SARDH: variants seen among roughly 807,000 people sequenced by gnomAD.
The protein encoded by SARDH is sarcosine dehydrogenase.
A neutral mutation model predicts 109.1 loss-of-function variants in SARDH; 95 were observed. The observed-to-expected ratio is 0.87, with a 90% CI of 0.74 to 1.03. The LOEUF (loss-of-function observed/expected upper bound fraction) is 1.03, where lower values mean the gene tolerates loss of function less well. Ranked by LOEUF, SARDH falls within the 50% of genes least tolerant of loss-of-function variation. SARDH has a pLI of 0.00. For synonymous variants in SARDH, 572 were observed against 534.8 expected (o/e 1.07, Z -0.96); for missense variants, 1,267 against 1,287.8 (o/e 0.98, Z 0.25).
intron 1 of SARDH, among the ~76,000 whole-genome samples, chr9:133,734,416 T>TTCAC (rs1205993616): frequency 6.3e-4 from 32 of 51,024 alleles, no homozygotes; most frequent in South Asian, 2.7e-3. Context: ...CACTCATTCA[T>TTCAC]TCATTCATTC....
Position 133,710,417 on chromosome 9 carries a change from G to A in SARDH, c.1329-1989C>T, listed in dbSNP as rs748177228. ...GCCCGGTCAGCCCTGGGACCCTCACGCGCAGCCCGGAGCCCAGACAGGCCC... is the reference window on the plus strand; with the variant it reads ...GCCCGGTCAGCCCTGGGACCCTCACACGCAGCCCGGAGCCCAGACAGGCCC... On this transcript the variant is annotated intron_variant, in intron 10 of 20. Transcript: ENST00000439388. 2.4e-4 allele frequency among the ~76,000 whole-genome samples: 37 copies of A among 152,228 alleles called. 1 individual carries two copies. Among genetic ancestry groups the A allele is most frequent in the Non-Finnish European group, 4.3e-4 (29 of 68,052 alleles).
Position 133,666,669 on chromosome 9 carries a change from GGGAGCTGGTTT to G in SARDH, c.2631+55_2631+65del, listed in dbSNP as rs1207871916. Reference sequence around the variant, plus strand: ...CCCGGCACACTCAGGGTGCAGTGCAGGGAGCTGGTTTGGAGCTGGTGAGGGATCGGCATCTG... The same window carrying G: ...CCCGGCACACTCAGGGTGCAGTGCAGGGAGCTGGTGAGGGATCGGCATCTG... On this transcript the variant is annotated intron_variant, in intron 20 of 20. Coordinates refer to ENST00000439388, the MANE Select transcript of SARDH (RefSeq NM_001134707.2). This position sits in a 1 kb window ranked among gnomAD's most constrained non-coding sequence, Gnocchi z 5.2. 6.5e-6 allele frequency: 10 copies of G among 1,548,844 alleles called. No homozygotes were observed. Among genetic ancestry groups the G allele is most frequent in the African/African-American group, 1.4e-5 (1 of 73,142 alleles).
intron 10 of SARDH, among the ~76,000 whole-genome samples, chr9:133,710,356 C>G (rs550723196): frequency 9.1e-4 from 139 of 152,338 alleles, no homozygotes; most frequent in Non-Finnish European, 1.6e-3. Flanking sequence ...GGAACTCACG[C>G]GCAGGGCGGC....
intron 2 of SARDH, among the ~76,000 whole-genome samples, chr9:133,733,178 C>T (rs1001832221): frequency 3.3e-5 from 5 of 152,140 alleles, no homozygotes; most frequent in African/African-American, 7.2e-5. Flanking sequence ...TTGTGGGAGC[C>T]GGCTCGCATC....
At position 133,727,781 on chromosome 9, in the gene SARDH, G is replaced by A. The variant is rs141312690; in HGVS notation, c.915+1984C>T. ...TTTGTAAGTAACACCCCCTAGCTTC[G>A]CTTGAATCTTGACATACACAGGAGG... On this transcript the variant is annotated intron_variant, in intron 6 of 20. Coordinates refer to ENST00000439388, the MANE Select transcript of SARDH (RefSeq NM_001134707.2). Among the ~76,000 whole-genome samples the A allele has an allele frequency of 2.6e-3, 389 of 152,282 alleles. 1 individual carries two copies. The highest frequency in any genetic ancestry group is 6.8e-3 in the Middle Eastern group (2 of 294).
intron 1 of SARDH, among the ~76,000 whole-genome samples, chr9:133,735,010 G>C (rs1231157664): frequency 6.6e-6 from 1 of 152,154 alleles, no homozygotes; most frequent in Non-Finnish European, 1.5e-5. Context: ...GGAGGGGGTT[G>C]TGTTGAGTGA....
intron 1 of SARDH, among the ~76,000 whole-genome samples, chr9:133,735,701 C>G (rs879442593): frequency 2.0e-5 from 3 of 152,192 alleles, no homozygotes; most frequent in Admixed American, 6.5e-5. Flanking sequence ...CAAACTGACC[C>G]TTTGCTCATT....
chr9:133,685,168 G>A, intron 17 of SARDH, 25 bp downstream of exon 17: 3 of 1,600,972 alleles, frequency 1.9e-6, no homozygotes, highest in Non-Finnish European at 2.6e-6. Flanking sequence ...CCACGACCCA[G>A]AGGACGTGGC....
At chr9:133,672,299 G>C (rs1830378183) in intron 17 of SARDH, among the ~76,000 whole-genome samples, 2 of 152,206 alleles carry the variant, frequency 1.3e-5, no homozygotes, top group South Asian at 4.1e-4. Context: ...ATCATCTGGA[G>C]ATCCTGACCT....
At chr9:133,671,052 G>A (rs1830330020) in intron 18 of SARDH, among the ~76,000 whole-genome samples, 1 of 152,154 alleles carries the variant, frequency 6.6e-6, no homozygotes, top group Non-Finnish European at 1.5e-5. Flanking sequence ...CCAACACCCA[G>A]GGGAGCTGCC....
At chr9:133,699,708 A>G (rs1467150669) in intron 13 of SARDH, among the ~76,000 whole-genome samples, 2 of 152,182 alleles carry the variant, frequency 1.3e-5, no homozygotes, top group African/African-American at 4.8e-5. Context: ...CTAGAATCAA[A>G]AAGTCAGATA....
In SARDH at chr9:133,673,832, G is replaced by A. The variant is rs149034624; in HGVS notation, c.2164-2135C>T. Among the ~76,000 whole-genome samples the A allele has an allele frequency of 3.6e-4, 55 of 152,266 alleles. No homozygotes were observed. The East Asian group carries it at 8.9e-3, about 25-fold the overall frequency. ...CACCTATGCACGGCCCTCCAATTGCGGATCCCTGTTCAGACAAAGACCCGT... is the reference window on the plus strand; with the variant it reads ...CACCTATGCACGGCCCTCCAATTGCAGATCCCTGTTCAGACAAAGACCCGT... On this transcript the variant is annotated intron_variant, in intron 17 of 20. Transcript: ENST00000439388.
rs1416687964 is a variant in SARDH at position 133,686,320 on chromosome 9, C to T, written c.2070-1034G>A. On this transcript the variant is annotated intron_variant, in intron 16 of 20. Transcript: ENST00000439388. This position sits in a 1 kb window ranked among gnomAD's most constrained non-coding sequence, Gnocchi z 4.0. ...CTCACCTCCTGGGCACCGTGCCCACCTCCAGGCCTAGCCCTCTTGTGCCCC... is the reference window on the plus strand; with the variant it reads ...CTCACCTCCTGGGCACCGTGCCCACTTCCAGGCCTAGCCCTCTTGTGCCCC... Among the ~76,000 whole-genome samples, 1 of 152,056 alleles carries T rather than the reference C, an allele frequency of 6.6e-6. No homozygotes were observed. Among genetic ancestry groups the T allele is most frequent in the Non-Finnish European group, 1.5e-5 (1 of 67,992 alleles).
chr9:133,701,273 A>G (rs1203317844), intron 13 of SARDH, among the ~76,000 whole-genome samples: 1 of 152,242 alleles, frequency 6.6e-6, no homozygotes, highest in Non-Finnish European at 1.5e-5. Context: ...TGCCCCAGAG[A>G]GCTGGTTGTT....
At chr9:133,689,431 G>A (rs903668703) in intron 16 of SARDH, among the ~76,000 whole-genome samples, 13 of 151,912 alleles carry the variant, frequency 8.6e-5, no homozygotes, top group African/African-American at 2.9e-4. Flanking sequence ...GTCACCAATG[G>A]AAGGCCTAGA....
chr9:133,727,615 G>C (rs1306326052), intron 6 of SARDH, among the ~76,000 whole-genome samples: 4 of 152,208 alleles, frequency 2.6e-5, no homozygotes, highest in Non-Finnish European at 1.5e-5. Context: ...ACCTGCACAT[G>C]GCCAGGTGTC....
intron 4 of SARDH, among the ~76,000 whole-genome samples, chr9:133,731,062 C>T (rs915613195): frequency 1.3e-5 from 2 of 152,196 alleles, no homozygotes; most frequent in Non-Finnish European, 2.9e-5. Flanking sequence ...GCTTTTGATA[C>T]GATTTGCTTG....
chr9:133,710,823 G>A (rs1213850756), intron 10 of SARDH, among the ~76,000 whole-genome samples: 2 of 152,260 alleles, frequency 1.3e-5, no homozygotes, highest in South Asian at 2.1e-4. Flanking sequence ...GAAGGGGTTT[G>A]GAAGCCCCAC....
At chr9:133,672,771 G>A (rs1344606884) in intron 17 of SARDH, among the ~76,000 whole-genome samples, 2 of 152,250 alleles carry the variant, frequency 1.3e-5, no homozygotes, top group Non-Finnish European at 2.9e-5. Context: ...CCCTGCCTGG[G>A]ACGCCAGACC....
Sources: allele counts gnomAD v4.1 joint callset (sites outside exome capture counted in the v4.1 genomes callset), GRCh38; gene constraint gnomAD v4.1.1; non-coding constraint Gnocchi (gnomAD v3.1); transcripts MANE v1.5; gene names NCBI Gene and HGNC (gene_info 2026-07-23, HGNC 2026-07-21).